Variants in BTBD3 observed in about 807,000 individuals in gnomAD.
The protein encoded by BTBD3 is BTB/POZ domain-containing protein 3.
A neutral mutation model predicts 41.6 loss-of-function variants in BTBD3; 14 were observed. That is an observed-to-expected ratio of 0.34 (90% CI 0.22 to 0.53). The LOEUF is 0.53. Ranked by LOEUF, BTBD3 falls within the 20% of genes least tolerant of loss-of-function variation. The pLI is 0.95. For missense variants in BTBD3, 426 were observed against 654.7 expected (o/e 0.65, Z 3.81); for synonymous variants, 249 against 233.7 (o/e 1.07, Z -0.60).
rs1219606335 is a variant in BTBD3 at position 11,926,404 on chromosome 20, CTG to C, written c.*2740_*2741del. 2.0e-5 allele frequency: 3 copies of C among 152,740 alleles called. No individual in the cohort carries two copies. The highest frequency in any genetic ancestry group is 6.5e-5 in the Admixed American group (1 of 15,302). The allele number at this position is 152,740 out of a possible 1,614,324, so 9.5% of individuals were successfully genotyped here. ...AAATAAGCTCAGCTAATTCAAGACA[CTG>C]TAGCCACTTGTGCATCAGTGTGCTT... On this transcript the variant is annotated 3_prime_UTR_variant, in exon 4 of 4. Coordinates refer to ENST00000378226, the MANE Select transcript of BTBD3 (RefSeq NM_014962.4).
exon 1 of BTBD3, chr20:11,890,861 T>G: frequency 2.0e-6 from 2 of 984,992 alleles, no homozygotes; most frequent in Non-Finnish European, 2.4e-6. Flanking sequence ...CGCCGGGCGC[T>G]GGATCTCCGA....
intron 1 of BTBD3, among the ~76,000 whole-genome samples, chr20:11,911,668 G>A (rs965042593): frequency 4.6e-5 from 7 of 152,192 alleles, no homozygotes; most frequent in African/African-American, 1.7e-4. Flanking sequence ...CAGGGCCGCA[G>A]GTTGGACAAA....
In BTBD3 at chr20:11,917,896, A is replaced by T. The variant is rs2056929181; in HGVS notation, c.-380A>T. 1 of 1,011,014 alleles carries T rather than the reference A, an allele frequency of 9.9e-7. No homozygotes were observed. The highest frequency in any genetic ancestry group is 5.1e-5 in the Admixed American group (1 of 19,522). 62.6% of individuals were successfully genotyped at this position (1,011,014 alleles called of 1,614,324 possible). A position where few individuals can be genotyped will look rare whatever the true frequency, so the allele number is the denominator to read the frequency against. On this transcript the variant is annotated 5_prime_UTR_variant, in exon 1 of 4. Transcript: ENST00000378226. ...CCTACTCTCCTCCGATCCATTCACC[A>T]CACAACTTCAGCCGGCTGAACAGAC...
rs1443185047 is a variant in BTBD3 at position 11,918,110 on chromosome 20, C to T, written c.-166C>T. On this transcript the variant is annotated 5_prime_UTR_variant, in exon 1 of 4. Coordinates refer to ENST00000378226, the MANE Select transcript of BTBD3 (RefSeq NM_014962.4). ...CCCAGTACTGGATAAAACTTAAAGC[C>T]AGTTTCTATTCAACATAGTGAAAAG... 2 of 1,455,016 alleles carry T rather than the reference C, an allele frequency of 1.4e-6. No individual in the cohort carries two copies. The highest frequency in any genetic ancestry group is 1.4e-5 in the African/African-American group (1 of 70,832). 90.1% of individuals were successfully genotyped at this position (1,455,016 alleles called of 1,614,324 possible).
chr20:11,909,826 C>G (rs1163929056), intron 1 of BTBD3: 1 of 152,160 alleles, frequency 6.6e-6, no homozygotes, highest in Non-Finnish European at 1.5e-5. Context: ...CCTTGCCTTT[C>G]CCAACCTGTC....
chr20:11,922,027 A>G, intron 3 of BTBD3, among the ~76,000 whole-genome samples: 1 of 152,248 alleles, frequency 6.6e-6, no homozygotes, highest in East Asian at 1.9e-4. Flanking sequence ...TTCTGAAGGT[A>G]GAAGGAATGT....
intron 1 of BTBD3, among the ~76,000 whole-genome samples, chr20:11,908,508 G>A (rs1488143787): frequency 1.3e-5 from 2 of 151,660 alleles, no homozygotes; most frequent in Non-Finnish European, 2.9e-5. Context: ...ATGTTTTCAT[G>A]AATAGTCCCC....
At position 11,926,315 on chromosome 20, in the gene BTBD3, TTAAG is replaced by T. The variant is rs550631023; in HGVS notation, c.*2653_*2656del. 196 of 152,780 alleles carry T rather than the reference TTAAG, an allele frequency of 1.3e-3. No homozygotes were observed. Among genetic ancestry groups the T allele is most frequent in the African/African-American group, 4.5e-3 (189 of 41,574 alleles). The allele number at this position is 152,780 out of a possible 1,614,324, so 9.5% of individuals were successfully genotyped here. A position where few individuals can be genotyped will look rare whatever the true frequency, so the allele number is the denominator to read the frequency against. The stretch of plus-strand genomic sequence containing the variant: ...CTTTAAGCATATCTTAAAATAGTAT[TTAAG>T]TAAATGGTCTAATTTCTACATAATT... On this transcript the variant is annotated 3_prime_UTR_variant, in exon 4 of 4. Coordinates refer to ENST00000378226, the MANE Select transcript of BTBD3 (RefSeq NM_014962.4).
chr20:11,914,917 G>A (rs904248246), upstream of BTBD3, among the ~76,000 whole-genome samples: 7 of 152,114 alleles, frequency 4.6e-5, no homozygotes, highest in African/African-American at 1.7e-4. Context: ...ACTGTGGATT[G>A]AGTGTAAAGT....
chr20:11,902,456 G>A (rs1320143491), intron 1 of BTBD3, among the ~76,000 whole-genome samples: 1 of 152,100 alleles, frequency 6.6e-6, no homozygotes, highest in African/African-American at 2.4e-5. Context: ...ATGGCACTTT[G>A]TATGGGTCTC....
At chr20:11,905,574 G>A (rs1176913612) in intron 1 of BTBD3, among the ~76,000 whole-genome samples, 4 of 152,184 alleles carry the variant, frequency 2.6e-5, no homozygotes, top group Non-Finnish European at 5.9e-5. Flanking sequence ...TTACCGCTAT[G>A]CGTAAATAAA....
chr20:11,918,014 G>T lies in BTBD3; in HGVS notation c.-262G>T, dbSNP rs1162314568. ...TCTTTGCAGTGTAGCATTTTCAGGTGATCTAGGAAACAGTTATTTTTATGA... is the reference window on the plus strand; with the variant it reads ...TCTTTGCAGTGTAGCATTTTCAGGTTATCTAGGAAACAGTTATTTTTATGA... On this transcript the variant is annotated 5_prime_UTR_variant, in exon 1 of 4. Coordinates refer to ENST00000378226, the MANE Select transcript of BTBD3 (RefSeq NM_014962.4). The T allele has an allele frequency of 2.5e-6, 3 of 1,200,160 alleles. No homozygotes were observed. The African/African-American group carries it at 4.7e-5, about 19-fold the overall frequency. 74.3% of individuals were successfully genotyped at this position (1,200,160 alleles called of 1,614,324 possible). A position where few individuals can be genotyped will look rare whatever the true frequency, so the allele number is the denominator to read the frequency against.
intron 1 of BTBD3, chr20:11,918,810 A>G: frequency 1.7e-6 from 1 of 604,984 alleles, no homozygotes; most frequent in Non-Finnish European, 2.8e-6. Flanking sequence ...TGTAACATTC[A>G]AGTGACAGGG....
chr20:11,895,086 C>T (rs1391196957), intron 1 of BTBD3, among the ~76,000 whole-genome samples: 3 of 152,146 alleles, frequency 2.0e-5, no homozygotes, highest in Non-Finnish European at 2.9e-5. Flanking sequence ...GTTCTACCAC[C>T]ATTTGTTAAA....
chr20:11,908,136 A>G (rs1044901203), intron 1 of BTBD3, among the ~76,000 whole-genome samples: 1 of 152,160 alleles, frequency 6.6e-6, no homozygotes, highest in African/African-American at 2.4e-5. Context: ...AACTCTTAGT[A>G]GAAATTATGG....
At position 11,925,584 on chromosome 20, in the gene BTBD3, A is replaced by G. The variant is rs566683470; in HGVS notation, c.*1918A>G. On this transcript the variant is annotated 3_prime_UTR_variant, in exon 4 of 4. Coordinates refer to ENST00000378226, the MANE Select transcript of BTBD3 (RefSeq NM_014962.4). ...GGGGAGATTACAGGTAGTTTGGCAAAGCATTGAAGTACAAAGGTACATTTT... is the reference window on the plus strand; with the variant it reads ...GGGGAGATTACAGGTAGTTTGGCAAGGCATTGAAGTACAAAGGTACATTTT... 1 of 152,672 alleles carries G rather than the reference A, an allele frequency of 6.5e-6. No individual in the cohort carries two copies. The highest frequency in any genetic ancestry group is 1.5e-5 in the Non-Finnish European group (1 of 68,040). 9.5% of individuals were successfully genotyped at this position (152,672 alleles called of 1,614,324 possible).
At chr20:11,903,555 C>T (rs772759283) in intron 1 of BTBD3, among the ~76,000 whole-genome samples, 12 of 151,934 alleles carry the variant, frequency 7.9e-5, no homozygotes, top group Non-Finnish European at 1.2e-4. Flanking sequence ...GGGGTATTGA[C>T]GAGATGCCAA....
intron 1 of BTBD3, among the ~76,000 whole-genome samples, chr20:11,897,069 C>T (rs1174595976): frequency 1.3e-5 from 2 of 152,118 alleles, no homozygotes; most frequent in Non-Finnish European, 2.9e-5. Flanking sequence ...CCCTTCTATA[C>T]CGCTGGCCTT....
At chr20:11,893,843 C>G (rs1018989712) in intron 1 of BTBD3, among the ~76,000 whole-genome samples, 1 of 152,102 alleles carries the variant, frequency 6.6e-6, no homozygotes, top group African/African-American at 2.4e-5. Flanking sequence ...TACTTTTGAA[C>G]AAAATTGGCC....
Sources: allele counts gnomAD v4.1 joint callset (sites outside exome capture counted in the v4.1 genomes callset), GRCh38; gene constraint gnomAD v4.1.1; transcripts MANE v1.5; gene names NCBI Gene and HGNC (gene_info 2026-07-23, HGNC 2026-07-21).